The following GTF3C2 variants were observed in gnomAD, a reference collection of about 807,000 sequenced individuals.
The protein encoded by GTF3C2 is general transcription factor IIIC subunit 2.
In GTF3C2, 17 loss-of-function variants were observed where a neutral mutation model predicts 117.4. The ratio of observed to expected loss-of-function variants is 0.14; its 90% CI spans 0.10 to 0.22. GTF3C2 has a LOEUF of 0.22. GTF3C2 is among the 10% of genes least tolerant of loss of function. The pLI, the probability that GTF3C2 is intolerant of heterozygous loss-of-function variation, is 1.00. For missense variants in GTF3C2, 888 were observed against 1,143.6 expected, an observed-to-expected ratio of 0.78 and a Z score of 3.22; for synonymous variants, 437 against 427.0, an observed-to-expected ratio of 1.02 and a Z score of -0.29.
At chr2:27,328,695 T>G in intron 15 of GTF3C2, 99 bp from the exon 16 acceptor site, 2 of 1,175,928 alleles carry the variant, frequency 1.7e-6, no homozygotes, top group Admixed American at 1.9e-5. Flanking sequence ...CAAACAAAAA[T>G]GAGTTTACCA....
chr2:27,341,046 T>A (rs900284639), intron 4 of GTF3C2, among the ~76,000 whole-genome samples: 1 of 152,176 alleles, frequency 6.6e-6, no homozygotes, highest in African/African-American at 2.4e-5. Flanking sequence ...TTGTTTTGTT[T>A]TGTTTTTGAG....
intron 1 of GTF3C2, among the ~76,000 whole-genome samples, chr2:27,351,862 C>T (rs952545848): frequency 6.6e-6 from 1 of 152,106 alleles, no homozygotes; most frequent in Admixed American, 6.5e-5. Flanking sequence ...TGCAGACCAA[C>T]AGTCCCACAC....
At chr2:27,351,211 A>G (rs1177589933) in intron 1 of GTF3C2, among the ~76,000 whole-genome samples, 1 of 152,150 alleles carries the variant, frequency 6.6e-6, no homozygotes. Context: ...CAGGAGTTTG[A>G]GACCAGCTTG....
In GTF3C2 at chr2:27,336,676, AC is replaced by A. The variant is rs1323007508; in HGVS notation, c.1128-252del. On this transcript the variant is annotated intron_variant, in intron 7 of 18. Transcript: ENST00000264720. ...AGGATGGAGTGCAGTGGCATGATCG[AC>A]GGTTCACTGCAGCCGTGACCTCCCA... The A allele has an allele frequency of 3.2e-5, 14 of 435,894 alleles. No individual in the cohort carries two copies. The East Asian group carries it at 6.0e-4, about 19-fold the overall frequency. 27.0% of individuals were successfully genotyped at this position (435,894 alleles called of 1,614,324 possible).
Position 27,329,639 on chromosome 2 carries a change from G to C in GTF3C2, c.1733-116C>G. The C allele has an allele frequency of 1.1e-6, 1 of 941,430 alleles. No homozygotes were observed. The highest frequency in any genetic ancestry group is 1.6e-6 in the Non-Finnish European group (1 of 614,688). The allele number at this position is 941,430 out of a possible 1,614,324, so 58.3% of individuals were successfully genotyped here. ...TCTACCCTCAGATCCAAACCACTAT[G>C]AAAGGATGTGGGGATCCTGATTAGC... On this transcript the variant is annotated intron_variant, in intron 12 of 18. Coordinates refer to ENST00000264720, the Ensembl canonical transcript of GTF3C2. The surrounding 1 kb of genome is among the most constrained non-coding windows in gnomAD (Gnocchi z 4.5).
exon 6 of GTF3C2, chr2:27,337,555 T>C (rs750393685): frequency 6.2e-7 from 1 of 1,603,776 alleles, no homozygotes; most frequent in Non-Finnish European, 8.5e-7. Flanking sequence ...GTTTCTGCTC[T>C]CGGCTGGAGA....
At chr2:27,343,476 C>T in exon 2 of GTF3C2, 2 of 1,614,044 alleles carry the variant, frequency 1.2e-6, no homozygotes, top group Non-Finnish European at 1.7e-6. Flanking sequence ...ACCTCTTGTC[C>T]AGGAGAGTCT....
intron 12 of GTF3C2, among the ~76,000 whole-genome samples, chr2:27,332,437 C>T (rs1558613624): frequency 6.6e-6 from 1 of 151,166 alleles, no homozygotes; most frequent in East Asian, 1.9e-4. Flanking sequence ...TTTTTTGAGA[C>T]AGAGTCTCGC....
rs958514858 is a variant in GTF3C2 at position 27,345,903 on chromosome 2, T to C, written c.-24-2325A>G. On this transcript the variant is annotated intron_variant, in intron 1 of 18. Coordinates refer to ENST00000264720, the Ensembl canonical transcript of GTF3C2. ...TAAATTTTTGTATTTTTAGTAGAGA[T>C]GGGGTTTCACCATGTTGACCAGGCT... Among the ~76,000 whole-genome samples, 271 of 151,378 alleles carry C rather than the reference T, an allele frequency of 1.8e-3. 2 individuals carry two copies. The highest frequency in any genetic ancestry group is 1.4e-3 in the Non-Finnish European group (96 of 67,860).
intron 10 of GTF3C2, 198 bp downstream of exon 10, chr2:27,335,400 G>A (rs1441534452): frequency 1.4e-6 from 1 of 705,958 alleles, no homozygotes; most frequent in Non-Finnish European, 2.6e-6. Context: ...GAAATGTGCT[G>A]AAAGAGTACA....
At chr2:27,356,373 C>T in intron 1 of GTF3C2, 1 of 296,358 alleles carries the variant, frequency 3.4e-6, no homozygotes, top group South Asian at 2.9e-5. Flanking sequence ...GTAGATTTCT[C>T]CCCTAGCCTG....
chr2:27,330,471 GA>G (rs1213777947), intron 12 of GTF3C2, among the ~76,000 whole-genome samples: 5 of 143,120 alleles, frequency 3.5e-5, no homozygotes, highest in Admixed American at 2.1e-4. Flanking sequence ...CAAAAAAAAA[GA>G]AAAAAAAAAG....
chr2:27,327,347 G>A (rs1444731541), intron 17 of GTF3C2, 63 bp from the exon 18 acceptor site: 2 of 857,772 alleles, frequency 2.3e-6, no homozygotes, highest in East Asian at 2.6e-5. Context: ...TTTTAAGACG[G>A]AGTCTCGCTC....
chr2:27,327,615 C>A (rs971511058), intron 17 of GTF3C2, among the ~76,000 whole-genome samples: 1 of 146,024 alleles, frequency 6.8e-6, no homozygotes, highest in Non-Finnish European at 1.5e-5. Context: ...TGAGCCACTA[C>A]GCCTGGCCCT....
exon 19 of GTF3C2, chr2:27,326,462 G>A (rs1680075165): frequency 3.4e-6 from 2 of 596,270 alleles, no homozygotes; most frequent in African/African-American, 3.7e-5. Context: ...AGCCTTGAGA[G>A]TTGGTGGAGG....
intron 1 of GTF3C2, among the ~76,000 whole-genome samples, chr2:27,347,936 C>G (rs1680974227): frequency 6.6e-6 from 1 of 152,024 alleles, no homozygotes; most frequent in South Asian, 2.1e-4. Flanking sequence ...GAGTTTGAGA[C>G]CAGCCTGGGC....
chr2:27,337,607 C>A, intron 5 of GTF3C2, 49 bp from the exon 6 acceptor site: 1 of 1,240,898 alleles, frequency 8.1e-7, no homozygotes. Context: ...TCTACAGCCG[C>A]ACAGTCCAAT....
intron 3 of GTF3C2, 25 bp downstream of exon 3, chr2:27,342,801 C>T (rs781192156): frequency 6.3e-7 from 1 of 1,586,848 alleles, no homozygotes. Flanking sequence ...CCCCCCTCCA[C>T]CAAGCTATGC....
chr2:27,333,961 G>A lies in GTF3C2; in HGVS notation c.1602+13C>T. Reference sequence around the variant, plus strand: ...GATGGAGCCTCAGCTAAGGTAGCAGGTTCCTCACTCACCTTATATATGGCA... The same window carrying A: ...GATGGAGCCTCAGCTAAGGTAGCAGATTCCTCACTCACCTTATATATGGCA... On this transcript the variant is annotated intron_variant, in intron 11 of 18. Coordinates refer to ENST00000264720, the Ensembl canonical transcript of GTF3C2. 6.3e-7 allele frequency: 1 copy of A among 1,598,642 alleles called. No individual in the cohort carries two copies. The highest frequency in any genetic ancestry group is 8.6e-7 in the Non-Finnish European group (1 of 1,165,966).
Sources: allele counts gnomAD v4.1 joint callset (sites outside exome capture counted in the v4.1 genomes callset), GRCh38; gene constraint gnomAD v4.1.1; non-coding constraint Gnocchi (gnomAD v3.1); transcripts MANE v1.5; gene names NCBI Gene and HGNC (gene_info 2026-07-23, HGNC 2026-07-21).